TRAPPC9: variants seen among roughly 807,000 people sequenced by gnomAD.
The protein encoded by TRAPPC9 is IKK2 binding protein.
In TRAPPC9, 83 loss-of-function variants were observed where a neutral mutation model predicts 124.0. The observed-to-expected ratio is 0.67, with a 90% CI of 0.56 to 0.80. TRAPPC9 has a LOEUF of 0.80. Among genes scored for constraint, TRAPPC9 ranks in the 30% least tolerant of loss-of-function variants. The probability of loss-of-function intolerance (pLI) is 0.00; values close to 1 mark genes in which losing one functional copy is unlikely to be tolerated. For missense variants in TRAPPC9, 1,302 were observed against 1,508.3 expected, an observed-to-expected ratio of 0.86 and a Z score of 2.27; for synonymous variants, 638 against 617.5, an observed-to-expected ratio of 1.03 and a Z score of -0.49.
At chr8:139,853,040 T>C (rs1827588172) in intron 21 of TRAPPC9, among the ~76,000 whole-genome samples, 1 of 152,164 alleles carries the variant, frequency 6.6e-6, no homozygotes, top group Non-Finnish European at 1.5e-5. Flanking sequence ...TTCCCGTGAG[T>C]CTAGGCTTCC....
chr8:139,767,694 C>T (rs1237967979), intron 21 of TRAPPC9, among the ~76,000 whole-genome samples: 1 of 152,220 alleles, frequency 6.6e-6, no homozygotes, highest in African/African-American at 2.4e-5. Context: ...ACAAGCAGGA[C>T]AAGCACTTCA....
chr8:139,830,181 C>T (rs1395452090), intron 21 of TRAPPC9, among the ~76,000 whole-genome samples: 1 of 152,142 alleles, frequency 6.6e-6, no homozygotes, highest in Non-Finnish European at 1.5e-5. Context: ...CGTGCACACA[C>T]ATGTATACAA....
At chr8:140,095,738 G>A (rs949977828) in intron 17 of TRAPPC9, 1 of 152,256 alleles carries the variant, frequency 6.6e-6, no homozygotes, top group East Asian at 1.9e-4. Flanking sequence ...TTGGGAGAGA[G>A]GAAAATTTTC....
intron 21 of TRAPPC9, among the ~76,000 whole-genome samples, chr8:139,774,607 G>A (rs1821231787): frequency 6.6e-6 from 1 of 152,166 alleles, no homozygotes; most frequent in East Asian, 1.9e-4. Context: ...AGCACAGTGC[G>A]ATGTTTCCTC....
intron 17 of TRAPPC9, among the ~76,000 whole-genome samples, chr8:140,039,369 T>C (rs1381174614): frequency 6.6e-6 from 1 of 152,206 alleles, no homozygotes; most frequent in Non-Finnish European, 1.5e-5. Flanking sequence ...AGGAGCCAGG[T>C]TTACGTTTGG....
intron 15 of TRAPPC9, among the ~76,000 whole-genome samples, chr8:140,268,585 G>A (rs1187837045): frequency 6.6e-6 from 1 of 152,218 alleles, no homozygotes; most frequent in Admixed American, 6.5e-5. Flanking sequence ...CAAGAGCTGG[G>A]AAGGAGGAGG....
chr8:140,053,799 T>C (rs1031097349), intron 17 of TRAPPC9, among the ~76,000 whole-genome samples: 2 of 152,256 alleles, frequency 1.3e-5, no homozygotes, highest in African/African-American at 4.8e-5. Context: ...TTTATCATTA[T>C]ACAATGGCCT....
chr8:139,805,390 CCA>C (rs1267689981), intron 21 of TRAPPC9, among the ~76,000 whole-genome samples: 1 of 152,232 alleles, frequency 6.6e-6, no homozygotes, highest in Non-Finnish European at 1.5e-5. Flanking sequence ...TGGGAAGACC[CCA>C]CACTCGGCAG....
chr8:140,450,045 T>C (rs912842450), intron 2 of TRAPPC9, among the ~76,000 whole-genome samples: 3 of 152,268 alleles, frequency 2.0e-5, no homozygotes, highest in Non-Finnish European at 2.9e-5. Flanking sequence ...CATTTCAACA[T>C]GTAATCTGTA....
intron 19 of TRAPPC9, among the ~76,000 whole-genome samples, chr8:139,983,299 C>T (rs1837030681): frequency 6.6e-6 from 1 of 152,168 alleles, no homozygotes; most frequent in African/African-American, 2.4e-5. Flanking sequence ...TCTCCAGAAC[C>T]ATGAGAAATA....
chr8:139,889,692 G>A (rs931886638), intron 20 of TRAPPC9, among the ~76,000 whole-genome samples: 13 of 152,184 alleles, frequency 8.5e-5, no homozygotes, highest in African/African-American at 2.4e-4. Context: ...GAAGCAGAGC[G>A]ACGCTAAGGA....
At chr8:139,804,787 C>T (rs1563827776) in intron 21 of TRAPPC9, among the ~76,000 whole-genome samples, 1 of 151,496 alleles carries the variant, frequency 6.6e-6, no homozygotes, top group Non-Finnish European at 1.5e-5. Flanking sequence ...CCAAGCACCA[C>T]CGCCGCAGCC....
At chr8:140,224,933 G>A (rs149203355) in intron 16 of TRAPPC9, among the ~76,000 whole-genome samples, 1 of 152,316 alleles carries the variant, frequency 6.6e-6, no homozygotes, top group East Asian at 1.9e-4. Context: ...CGGGGCTGAG[G>A]TGCGGCTCCC....
intron 16 of TRAPPC9, among the ~76,000 whole-genome samples, chr8:140,229,607 C>T (rs892517714): frequency 2.6e-5 from 4 of 151,952 alleles, no homozygotes; most frequent in South Asian, 2.1e-4. Flanking sequence ...CTTACTCTGT[C>T]GCTGAGGCTG....
chr8:140,375,919 A>G (rs2068425693), intron 7 of TRAPPC9, among the ~76,000 whole-genome samples: 1 of 152,228 alleles, frequency 6.6e-6, no homozygotes, highest in African/African-American at 2.4e-5. Context: ...GGCCCCACAC[A>G]TTCCCAGGTT....
chr8:139,782,553 T>C (rs1054843683), intron 21 of TRAPPC9, among the ~76,000 whole-genome samples: 1 of 152,172 alleles, frequency 6.6e-6, no homozygotes, highest in Non-Finnish European at 1.5e-5. Context: ...ATAACAGAGC[T>C]CCAAAATTCG....
intron 17 of TRAPPC9, among the ~76,000 whole-genome samples, chr8:140,068,151 C>T (rs1842972047): frequency 6.6e-6 from 1 of 152,088 alleles, no homozygotes; most frequent in South Asian, 2.1e-4. Context: ...GACGGATTCA[C>T]CCTCACGGCC....
At chr8:140,367,346 G>A (rs1309062526) in intron 8 of TRAPPC9, among the ~76,000 whole-genome samples, 1 of 152,208 alleles carries the variant, frequency 6.6e-6, no homozygotes. Context: ...TTAGGTGAAT[G>A]TATAAATAAC....
intron 16 of TRAPPC9, among the ~76,000 whole-genome samples, chr8:140,229,518 T>A (rs2063541391): frequency 6.6e-6 from 1 of 151,966 alleles, no homozygotes; most frequent in Non-Finnish European, 1.5e-5. Flanking sequence ...TCCACCCACC[T>A]CGGCCTCCCA....
Sources: gnomAD v4.1 joint callset for allele counts (sites outside exome capture counted in the v4.1 genomes callset) on GRCh38, gnomAD v4.1.1 for gene constraint, MANE v1.5 for transcripts, NCBI Gene and HGNC (gene_info 2026-07-23, HGNC 2026-07-21) for gene names.